ROBO2: variants seen among roughly 807,000 people sequenced by gnomAD.
ROBO2 encodes roundabout guidance receptor 2, also known as roundabout homolog 2.
In ROBO2, 53 loss-of-function variants were observed where a neutral mutation model predicts 160.8. The ratio of observed to expected loss-of-function variants is 0.33; its 90% confidence interval spans 0.26 to 0.41. The LOEUF (loss-of-function observed/expected upper bound fraction) is 0.41. Among genes scored for constraint, ROBO2 ranks in the 10% least tolerant of loss-of-function variants. The pLI, the probability that ROBO2 is intolerant of heterozygous loss-of-function variation, is 1.00. For missense variants in ROBO2, 1,577 were observed against 1,722.4 expected (o/e 0.92, Z 1.49); for synonymous variants, 664 against 611.7 (o/e 1.09, Z -1.26).
intron 2 of ROBO2, among the ~76,000 whole-genome samples, chr3:76,478,678 CT>C (rs2079058556): frequency 1.5e-5 from 2 of 135,182 alleles, no homozygotes; most frequent in African/African-American, 2.9e-5. Flanking sequence ...ACTTTTTTCT[CT>C]GTTTTTTTTT....
At chr3:76,821,943 G>A (rs1045948640) in intron 2 of ROBO2, among the ~76,000 whole-genome samples, 2 of 151,912 alleles carry the variant, frequency 1.3e-5, no homozygotes, top group South Asian at 2.1e-4. Context: ...GCAAAAAGTA[G>A]TAATAAAGAG....
chr3:76,142,943 CAAAAAT>C (rs139542861), intron 2 of ROBO2, among the ~76,000 whole-genome samples: 3 of 151,542 alleles, frequency 2.0e-5, no homozygotes, highest in Admixed American at 6.6e-5. Flanking sequence ...TATGTACCCA[CAAAAAT>C]AAAAATAAAA....
intron 1 of ROBO2, 99 bp from the exon 2 acceptor site, chr3:77,097,915 T>C (rs1179018065): frequency 9.7e-7 from 1 of 1,028,380 alleles, no homozygotes; most frequent in Non-Finnish European, 1.4e-6. Flanking sequence ...TTCAGTTGGA[T>C]AATCGAAGAG....
At chr3:77,631,749 T>C (rs886350186) in intron 23 of ROBO2, 1 of 152,010 alleles carries the variant, frequency 6.6e-6, no homozygotes, top group Non-Finnish European at 1.5e-5. Flanking sequence ...GCAGAAAAAA[T>C]TCATATTAAT....
At chr3:77,487,089 G>A (rs2085456582) in intron 4 of ROBO2, among the ~76,000 whole-genome samples, 1 of 152,128 alleles carries the variant, frequency 6.6e-6, no homozygotes, top group Admixed American at 6.5e-5. Flanking sequence ...AGAGATAATA[G>A]TTGATACCAT....
intron 2 of ROBO2, among the ~76,000 whole-genome samples, chr3:77,031,607 CATT>C (rs1015419066): frequency 3.5e-5 from 5 of 143,048 alleles, no homozygotes; most frequent in East Asian, 2.0e-4. Flanking sequence ...AAGTATATCA[CATT>C]ATTGATATAA....
chr3:77,470,859 A>G (rs2083282834), intron 2 of ROBO2, among the ~76,000 whole-genome samples: 1 of 152,166 alleles, frequency 6.6e-6, no homozygotes, highest in South Asian at 2.1e-4. Flanking sequence ...TGTGCCACAT[A>G]ACTCCAGCAG....
intron 2 of ROBO2, among the ~76,000 whole-genome samples, chr3:77,344,445 C>T (rs1329670883): frequency 6.6e-6 from 1 of 152,008 alleles, no homozygotes; most frequent in African/African-American, 2.4e-5. Flanking sequence ...AGGGCAGAGC[C>T]CTCATGAATG....
At chr3:76,339,552 G>A (rs542401138) in intron 2 of ROBO2, among the ~76,000 whole-genome samples, 8 of 151,982 alleles carry the variant, frequency 5.3e-5, no homozygotes, top group Admixed American at 2.0e-4. Flanking sequence ...GAACATGGGC[G>A]AGACACCTGC....
intron 1 of ROBO2, among the ~76,000 whole-genome samples, chr3:75,927,016 G>T (rs1471792686): frequency 6.6e-6 from 1 of 152,082 alleles, no homozygotes; most frequent in Non-Finnish European, 1.5e-5. Flanking sequence ...ATTTGAGTAC[G>T]CTCTCTCAGA....
At chr3:76,858,321 A>G (rs9755180) in intron 2 of ROBO2, among the ~76,000 whole-genome samples, 18,901 of 152,174 alleles carry the variant, frequency 0.12, 1,350 homozygotes, top group East Asian at 0.24. Context: ...CACCCAGGCT[A>G]GAGTGATCTT....
chr3:76,248,021 G>C (rs1303754955), intron 2 of ROBO2, among the ~76,000 whole-genome samples: 2 of 151,792 alleles, frequency 1.3e-5, no homozygotes, highest in African/African-American at 2.4e-5. Context: ...GGAGAAACAG[G>C]AACACTTTTA....
intron 2 of ROBO2, among the ~76,000 whole-genome samples, chr3:76,493,181 T>C (rs965206117): frequency 2.0e-5 from 3 of 151,710 alleles, no homozygotes; most frequent in Non-Finnish European, 4.4e-5. Context: ...CGCACTTTCT[T>C]AGCCTCTTTT....
intron 4 of ROBO2, among the ~76,000 whole-genome samples, chr3:77,484,419 CG>C (rs1335065174): frequency 5.9e-5 from 9 of 151,438 alleles, no homozygotes; most frequent in African/African-American, 2.2e-4. Context: ...ATGCAATACA[CG>C]AAAACTTATT....
intron 2 of ROBO2, among the ~76,000 whole-genome samples, chr3:76,026,938 C>T (rs1309821724): frequency 1.3e-4 from 20 of 151,882 alleles, no homozygotes; most frequent in Non-Finnish European, 1.5e-5. Flanking sequence ...TCCAGAACCC[C>T]TCTTCAAGGA....
At chr3:76,121,272 A>G (rs1012219609) in intron 2 of ROBO2, among the ~76,000 whole-genome samples, 2 of 152,152 alleles carry the variant, frequency 1.3e-5, no homozygotes, top group Admixed American at 6.6e-5. Context: ...ATTGGCTAAC[A>G]TTTACCTTTC....
At chr3:77,149,018 C>A (rs561330980) in intron 2 of ROBO2, among the ~76,000 whole-genome samples, 3 of 149,710 alleles carry the variant, frequency 2.0e-5, no homozygotes, top group Admixed American at 6.8e-5. Flanking sequence ...TAATTGAAAG[C>A]TTGGAGACAA....
intron 20 of ROBO2, among the ~76,000 whole-genome samples, chr3:77,604,818 A>T (rs1376676110): frequency 6.6e-6 from 1 of 152,168 alleles, no homozygotes; most frequent in Non-Finnish European, 1.5e-5. Context: ...GTGGATAGCA[A>T]TGTAAGCAAT....
intron 2 of ROBO2, among the ~76,000 whole-genome samples, chr3:76,238,708 C>A (rs1445352932): frequency 6.7e-6 from 1 of 148,298 alleles, no homozygotes; most frequent in Non-Finnish European, 1.5e-5. Flanking sequence ...CCCCCCAGGT[C>A]TCCCCCTAGA....
Sources: gnomAD v4.1 joint callset for allele counts (sites outside exome capture counted in the v4.1 genomes callset) on GRCh38, gnomAD v4.1.1 for gene constraint, MANE v1.5 for transcripts, NCBI Gene and HGNC (gene_info 2026-07-23, HGNC 2026-07-21) for gene names.